FAT3: variants seen among roughly 807,000 people sequenced by gnomAD.
The protein encoded by FAT3 is FAT atypical cadherin 3.
FAT3 carries 95 observed loss-of-function variants against 310.2 expected under a neutral mutation model. The ratio of observed to expected loss-of-function variants is 0.31; its 90% confidence interval spans 0.26 to 0.36. The LOEUF (loss-of-function observed/expected upper bound fraction) is 0.36, where lower values mean the gene tolerates loss of function less well. Ranked by LOEUF, FAT3 falls within the 10% of genes least tolerant of loss-of-function variation. The pLI, the probability that FAT3 is intolerant of heterozygous loss-of-function variation, is 1.00. For synonymous variants in FAT3, 2,314 were observed against 2,192.9 expected, an observed-to-expected ratio of 1.06 and a Z score of -1.54; for missense variants, 5,408 against 5,715.6, an observed-to-expected ratio of 0.95 and a Z score of 1.74.
intron 4 of FAT3, among the ~76,000 whole-genome samples, chr11:92,744,585 T>C (rs1945600906): frequency 6.6e-6 from 1 of 152,234 alleles, no homozygotes; most frequent in Non-Finnish European, 1.5e-5. Context: ...GAGAAGTACT[T>C]TTCTATTCTA....
chr11:92,648,540 G>A (rs1007573864), intron 3 of FAT3, among the ~76,000 whole-genome samples: 5 of 152,144 alleles, frequency 3.3e-5, no homozygotes, highest in African/African-American at 7.2e-5. Flanking sequence ...CTCCCTCAGA[G>A]CAGAACAACA....
intron 3 of FAT3, among the ~76,000 whole-genome samples, chr11:92,551,445 T>TGTGTGTGTGTGTGTGTGTGTGTG (rs370180754): frequency 6.6e-6 from 1 of 151,356 alleles, no homozygotes; most frequent in Non-Finnish European, 1.5e-5. Flanking sequence ...TGTGTGTGTG[T>TGTGTGTGTGTGTGTGTGTGTGTG]TTTCTCATCA....
chr11:92,338,077 A>C (rs1213493405), intron 1 of FAT3, among the ~76,000 whole-genome samples: 2 of 152,202 alleles, frequency 1.3e-5, no homozygotes, highest in African/African-American at 4.8e-5. Flanking sequence ...GTAAAGGTTA[A>C]ACAAATTTTC....
chr11:92,844,462 C>A lies in FAT3; in HGVS notation c.11095C>A (p.Leu3699Met), dbSNP rs773329391. The change falls in exon 19 of 28, where the codon CTG (leucine) becomes ATG (methionine). Residue 3699 changes from leucine to methionine, a missense_variant. Coordinates refer to ENST00000525166, the MANE Select transcript of FAT3 (RefSeq NM_001367949.2). ...CCAGCCCGTGGCAGGCACCAACCAA[C>A]TGGACATGCTGTTTGCGGTGGAGAT... ...SIQPVAGTNQLDMLFAVEMHS... is the reference protein window; with the variant it reads ...SIQPVAGTNQMDMLFAVEMHS... 2 of 1,613,882 alleles carry A rather than the reference C, an allele frequency of 1.2e-6. No individual in the cohort carries two copies. The highest frequency in any genetic ancestry group is 2.7e-5 in the African/African-American group (2 of 74,952).
chr11:92,746,894 T>G (rs1945687516), intron 4 of FAT3, among the ~76,000 whole-genome samples: 1 of 152,202 alleles, frequency 6.6e-6, no homozygotes, highest in South Asian at 2.1e-4. Flanking sequence ...ATACAAGAGG[T>G]GGGCTCCCAT....
In FAT3 at chr11:92,619,565, G is replaced by T. The variant is rs186037135; in HGVS notation, c.3608-77819G>T. On this transcript the variant is annotated intron_variant, in intron 3 of 27. Transcript: ENST00000525166. ...TCTGTACTTCCAATATGCCTATTCA[G>T]ATTTACTGTTTCTCCCTGAGTCAAG... Among the ~76,000 whole-genome samples, 3 of 152,070 alleles carry T rather than the reference G, an allele frequency of 2.0e-5. No individual in the cohort carries two copies. The East Asian group carries it at 5.8e-4, about 29-fold the overall frequency.
chr11:92,350,132 T>C (rs555321714), intron 1 of FAT3, among the ~76,000 whole-genome samples: 4 of 152,236 alleles, frequency 2.6e-5, no homozygotes, highest in Non-Finnish European at 2.9e-5. Context: ...TTTCCTATTT[T>C]AGCCAGTAAA....
rs1222042427 is a variant in FAT3, at chr11:92,844,031, A to C, written c.10664A>C (p.Glu3555Ala). The change falls in exon 19 of 28, where the codon GAA becomes GCA. Residue 3555 changes from glutamate to alanine, a missense_variant. By Grantham distance (107) the Glu-to-Ala change is moderately radical. This residue lies in a region of FAT3 where 4,588 missense variants were observed against 4,809.8 expected (regional missense o/e 0.95). Coordinates refer to ENST00000525166, the MANE Select transcript of FAT3 (RefSeq NM_001367949.2). ...CACAAGCCCACAGCCATTCCCCTGG[A>C]AATTTTCATTGTCACCATGGAGGAT... ...STHKPTAIPL[E>A]IFIVTMEDDF... 1 of 1,613,998 alleles carries C rather than the reference A, an allele frequency of 6.2e-7. No homozygotes were observed. Among genetic ancestry groups the C allele is most frequent in the Admixed American group, 1.7e-5 (1 of 60,024 alleles).
chr11:92,568,713 T>C (rs1046954480), intron 3 of FAT3, among the ~76,000 whole-genome samples: 1 of 152,304 alleles, frequency 6.6e-6, no homozygotes, highest in African/African-American at 2.4e-5. Context: ...TGTTAACTCC[T>C]TTTTCAGATT....
chr11:92,374,115 C>T (rs1461242267), intron 2 of FAT3, among the ~76,000 whole-genome samples: 2 of 151,764 alleles, frequency 1.3e-5, no homozygotes, highest in Non-Finnish European at 2.9e-5. Context: ...GTGTATGGTG[C>T]CCACCCACAT....
intron 19 of FAT3, among the ~76,000 whole-genome samples, chr11:92,848,615 A>G (rs896034272): frequency 2.0e-5 from 3 of 152,364 alleles, no homozygotes; most frequent in East Asian, 1.9e-4. Context: ...GTTTACAACC[A>G]GTGTGTTTAT....
Position 92,893,829 on chromosome 11 carries a change from G to C in FAT3, c.*2716G>C, listed in dbSNP as rs1949966709. 1 of 152,156 alleles carries C rather than the reference G, an allele frequency of 6.6e-6. No individual in the cohort carries two copies. Among genetic ancestry groups the C allele is most frequent in the South Asian group, 2.1e-4 (1 of 4,826 alleles). The allele number at this position is 152,156 out of a possible 1,614,324, so 9.4% of individuals were successfully genotyped here. A position where few individuals can be genotyped will look rare whatever the true frequency, so the allele number is the denominator to read the frequency against. On this transcript the variant is annotated 3_prime_UTR_variant, in exon 28 of 28. Coordinates refer to ENST00000525166, the MANE Select transcript of FAT3 (RefSeq NM_001367949.2). The stretch of plus-strand genomic sequence containing the variant: ...TAGATTATGAAATGCTTTGCAGTCA[G>C]GCCAAGATGCTACTAGGTGGGGATG...
At chr11:92,802,581 T>C (rs1041534655) in intron 10 of FAT3, among the ~76,000 whole-genome samples, 27 of 152,172 alleles carry the variant, frequency 1.8e-4, no homozygotes, top group African/African-American at 6.3e-4. Flanking sequence ...AAGGATTTCA[T>C]GTCAGAGTGG....
chr11:92,729,600 G>T (rs1390145346), intron 4 of FAT3, among the ~76,000 whole-genome samples: 1 of 151,710 alleles, frequency 6.6e-6, no homozygotes, highest in Non-Finnish European at 1.5e-5. Flanking sequence ...CTAATTTTTT[G>T]TATTTTAGTA....
At chr11:92,725,397 G>A (rs769562550) in intron 4 of FAT3, among the ~76,000 whole-genome samples, 1 of 152,150 alleles carries the variant, frequency 6.6e-6, no homozygotes, top group African/African-American at 2.4e-5. Context: ...TTCAAGCTTG[G>A]GTCTCAGACA....
At chr11:92,540,498 A>G (rs1366388514) in intron 3 of FAT3, among the ~76,000 whole-genome samples, 1 of 152,176 alleles carries the variant, frequency 6.6e-6, no homozygotes, top group Non-Finnish European at 1.5e-5. Context: ...TTGGAAATTA[A>G]TCATAGAGGG....
chr11:92,397,517 T>G (rs1170838882), intron 2 of FAT3, among the ~76,000 whole-genome samples: 1 of 152,162 alleles, frequency 6.6e-6, no homozygotes, highest in African/African-American at 2.4e-5. Context: ...GTTAAATCAC[T>G]TTTACTTATG....
At chr11:92,415,336 G>T (rs1950383953) in intron 2 of FAT3, among the ~76,000 whole-genome samples, 1 of 152,130 alleles carries the variant, frequency 6.6e-6, no homozygotes, top group Non-Finnish European at 1.5e-5. Flanking sequence ...CTCTTCATTT[G>T]TTATATGCCT....
chr11:92,327,391 GC>G (rs1947794640), intron 1 of FAT3, among the ~76,000 whole-genome samples: 6 of 152,096 alleles, frequency 3.9e-5, no homozygotes, highest in Admixed American at 3.9e-4. Context: ...GAGGATTCAA[GC>G]TCTGATGGAT....
Sources: allele counts gnomAD v4.1 joint callset (sites outside exome capture counted in the v4.1 genomes callset), GRCh38; gene constraint gnomAD v4.1.1; regional missense constraint gnomAD v4.1.1; transcripts MANE v1.5; gene names NCBI Gene and HGNC (gene_info 2026-07-23, HGNC 2026-07-21).